Variants in ZNF626 observed in about 807,000 individuals in gnomAD.
ZNF626 encodes zinc finger protein 626.
Under a neutral mutation model 11.7 loss-of-function variants are expected in ZNF626, and 4 were observed. The observed-to-expected ratio is 0.34, with a 90% CI of 0.17 to 0.78. The LOEUF (loss-of-function observed/expected upper bound fraction) is 0.78. Ranked by LOEUF, ZNF626 falls within the 30% of genes least tolerant of loss-of-function variation. The pLI, the probability that ZNF626 is intolerant of heterozygous loss-of-function variation, is 0.57. For synonymous variants in ZNF626, 179 were observed against 198.6 expected (o/e 0.90, Z 0.83); for missense variants, 588 against 587.1 (o/e 1.00, Z -0.01).
At chr19:20,635,970 TA>T (rs1490074036) in intron 3 of ZNF626, among the ~76,000 whole-genome samples, 1 of 152,100 alleles carries the variant, frequency 6.6e-6, no homozygotes, top group African/African-American at 2.4e-5. Flanking sequence ...CTGTCTCTAC[TA>T]AAAGTACAAA....
intron 3 of ZNF626, among the ~76,000 whole-genome samples, chr19:20,640,325 G>A (rs1416697154): frequency 1.5e-5 from 2 of 133,278 alleles, no homozygotes; most frequent in East Asian, 2.2e-4. Context: ...AAAAAATACG[G>A]GAAAAAGACA....
chr19:20,644,666 A>T (rs1377623193), intron 3 of ZNF626: 2 of 152,318 alleles, frequency 1.3e-5, no homozygotes, highest in Non-Finnish European at 2.9e-5. Context: ...TGGGCAGAAG[A>T]ATTAGTCAAA....
In ZNF626 at chr19:20,627,885, C is replaced by T. The variant is rs1476055524; in HGVS notation, c.227-2235G>A. Reference sequence around the variant, plus strand: ...TGTTGGTGTGTTGCACCCATTAACTCGTCATTTAGCATTAGGTGTATCTCC... The same window carrying T: ...TGTTGGTGTGTTGCACCCATTAACTTGTCATTTAGCATTAGGTGTATCTCC... On this transcript the variant is annotated intron_variant, in intron 3 of 3. Coordinates refer to ENST00000601440, the MANE Select transcript of ZNF626 (RefSeq NM_001076675.3). 7.2e-5 allele frequency among the ~76,000 whole-genome samples: 11 copies of T among 152,246 alleles called. No individual in the cohort carries two copies. The South Asian group carries it at 1.9e-3, about 26-fold the overall frequency.
Position 20,623,731 on chromosome 19 carries a change from G to A in ZNF626, c.*559C>T, listed in dbSNP as rs10407393. The A allele has an allele frequency of 0.81, 171,879 of 211,034 alleles. 71,193 individuals carry two copies. The highest frequency in any genetic ancestry group is 0.87 in the Non-Finnish European group (92,394 of 105,636). The allele number at this position is 211,034 out of a possible 1,614,324, so 13.1% of individuals were successfully genotyped here. ...GGAGAATGGATTGAACCCAGAAGGCGGAGGTTGCAGTGAGCCGAGACTGTG... is the reference window on the plus strand; with the variant it reads ...GGAGAATGGATTGAACCCAGAAGGCAGAGGTTGCAGTGAGCCGAGACTGTG... On this transcript the variant is annotated 3_prime_UTR_variant, in exon 4 of 4. Coordinates refer to ENST00000601440, the MANE Select transcript of ZNF626 (RefSeq NM_001076675.3).
At chr19:20,632,578 A>G (rs1468200397) in intron 3 of ZNF626, among the ~76,000 whole-genome samples, 1 of 152,206 alleles carries the variant, frequency 6.6e-6, no homozygotes, top group Non-Finnish European at 1.5e-5. Context: ...AGTTGATCGC[A>G]TCGGCTACAG....
At chr19:20,647,355 G>A (rs1322412338) in intron 1 of ZNF626, among the ~76,000 whole-genome samples, 4 of 151,968 alleles carry the variant, frequency 2.6e-5, no homozygotes, top group Non-Finnish European at 4.4e-5. Context: ...ATGCACATCA[G>A]CTGCATAAAG....
chr19:20,627,560 T>A (rs550994643), intron 3 of ZNF626, among the ~76,000 whole-genome samples: 1 of 151,970 alleles, frequency 6.6e-6, no homozygotes, highest in Admixed American at 6.5e-5. Flanking sequence ...AAACAAATAA[T>A]AAAATAACAT....
chr19:20,649,674 G>A (rs74413365), intron 1 of ZNF626, among the ~76,000 whole-genome samples: 3,535 of 152,238 alleles, frequency 0.023, 130 homozygotes, highest in African/African-American at 0.08. Flanking sequence ...TGATAACCAC[G>A]GAGCTAAGCA....
intron 1 of ZNF626, among the ~76,000 whole-genome samples, chr19:20,654,968 C>G (rs182874967): frequency 6.6e-6 from 1 of 151,964 alleles, no homozygotes; most frequent in East Asian, 1.9e-4. Context: ...AAAATTCAGC[C>G]AGGCATGGTG....
chr19:20,652,090 A>G (rs1970152028), intron 1 of ZNF626, among the ~76,000 whole-genome samples: 2 of 152,178 alleles, frequency 1.3e-5, no homozygotes, highest in South Asian at 4.1e-4. Context: ...CAATGCAGAA[A>G]ATGCCTTTTC....
At chr19:20,633,290 G>C (rs1969928883) in intron 3 of ZNF626, among the ~76,000 whole-genome samples, 1 of 152,192 alleles carries the variant, frequency 6.6e-6, no homozygotes, top group Non-Finnish European at 1.5e-5. Context: ...CATGCTGGGA[G>C]AACCACTACT....
intron 3 of ZNF626, among the ~76,000 whole-genome samples, chr19:20,630,858 G>C (rs1196963852): frequency 1.5e-5 from 2 of 132,088 alleles, no homozygotes; most frequent in African/African-American, 6.1e-5. Context: ...CTAGTTAATT[G>C]TGGTGTTAGG....
chr19:20,636,541 A>G (rs1178492298), intron 3 of ZNF626, among the ~76,000 whole-genome samples: 2 of 152,076 alleles, frequency 1.3e-5, no homozygotes, highest in African/African-American at 4.8e-5. Flanking sequence ...AAAGTAATAC[A>G]GAGGTTACTT....
intron 3 of ZNF626, 185 bp downstream of exon 3, chr19:20,645,499 T>C: frequency 6.3e-7 from 1 of 1,580,664 alleles, no homozygotes; most frequent in Non-Finnish European, 8.5e-7. Flanking sequence ...AGACAGAAGA[T>C]GCCCCTTTGT....
At chr19:20,648,170 C>T (rs1445574556) in intron 1 of ZNF626, among the ~76,000 whole-genome samples, 7 of 119,862 alleles carry the variant, frequency 5.8e-5, no homozygotes, top group South Asian at 2.7e-4. Flanking sequence ...AGCCAGACTC[C>T]GTGTCAAAAA....
intron 3 of ZNF626, among the ~76,000 whole-genome samples, chr19:20,630,649 G>T (rs1221078999): frequency 1.3e-5 from 2 of 151,244 alleles, no homozygotes; most frequent in African/African-American, 4.9e-5. Flanking sequence ...TTTTTATTGT[G>T]TCTATTTGAT....
At chr19:20,641,924 T>A (rs377624031) in intron 3 of ZNF626, among the ~76,000 whole-genome samples, 1 of 147,828 alleles carries the variant, frequency 6.8e-6, no homozygotes, top group Non-Finnish European at 1.5e-5. Flanking sequence ...AAACAATGTT[T>A]AAAAAAAAAA....
intron 1 of ZNF626, among the ~76,000 whole-genome samples, chr19:20,650,536 G>C (rs1026583599): frequency 6.6e-6 from 1 of 152,054 alleles, no homozygotes; most frequent in South Asian, 2.1e-4. Flanking sequence ...ACCAGCTCTA[G>C]AAAGACAACA....
At chr19:20,642,464 G>T (rs1555771565) in intron 3 of ZNF626, among the ~76,000 whole-genome samples, 4 of 152,100 alleles carry the variant, frequency 2.6e-5, no homozygotes, top group African/African-American at 7.2e-5. Context: ...CGGGGGTGGT[G>T]GCGTGCCTGT....
Sources: allele counts gnomAD v4.1 joint callset (sites outside exome capture counted in the v4.1 genomes callset), GRCh38; gene constraint gnomAD v4.1.1; transcripts MANE v1.5; gene names NCBI Gene and HGNC (gene_info 2026-07-23, HGNC 2026-07-21).